RASGRF2: variants seen among roughly 807,000 people sequenced by gnomAD.
The protein encoded by RASGRF2 is Ras protein specific guanine nucleotide releasing factor 2.
In RASGRF2, 76 loss-of-function variants were observed where a neutral mutation model predicts 151.0. The ratio of observed to expected loss-of-function variants is 0.50; its 90% confidence interval spans 0.42 to 0.61. The LOEUF (loss-of-function observed/expected upper bound fraction) is 0.61. RASGRF2 is among the 20% of genes least tolerant of loss of function. The pLI, the probability that RASGRF2 is intolerant of heterozygous loss-of-function variation, is 0.00. For synonymous variants in RASGRF2, 504 were observed against 566.5 expected (o/e 0.89, Z 1.57); for missense variants, 1,148 against 1,564.6 (o/e 0.73, Z 4.49).
At chr5:81,055,209 T>G (rs920038561) in intron 2 of RASGRF2, among the ~76,000 whole-genome samples, 8 of 152,210 alleles carry the variant, frequency 5.3e-5, no homozygotes, top group African/African-American at 1.7e-4. Flanking sequence ...TGTGCCAGTT[T>G]TCAAAGGGAA....
chr5:80,984,620 A>G (rs1748420239), intron 1 of RASGRF2, among the ~76,000 whole-genome samples: 1 of 152,190 alleles, frequency 6.6e-6, no homozygotes, highest in Admixed American at 6.6e-5. Context: ...TGTAAAAATT[A>G]TGATCTTATC....
At chr5:81,150,822 C>G (rs1405027636) in intron 17 of RASGRF2, among the ~76,000 whole-genome samples, 1 of 151,934 alleles carries the variant, frequency 6.6e-6, no homozygotes, top group Non-Finnish European at 1.5e-5. Flanking sequence ...ATCAAGAGAC[C>G]CAGAATGAAT....
intron 3 of RASGRF2, among the ~76,000 whole-genome samples, chr5:81,069,392 T>C (rs1751707205): frequency 6.6e-6 from 1 of 152,224 alleles, no homozygotes. Flanking sequence ...AAAGACTATA[T>C]CAGGCACTGT....
Position 81,109,094 on chromosome 5 carries a change from C to A in RASGRF2, c.1838+16C>A. 6.3e-7 allele frequency: 1 copy of A among 1,599,100 alleles called. No homozygotes were observed. The highest frequency in any genetic ancestry group is 8.6e-7 in the Non-Finnish European group (1 of 1,169,558). On this transcript the variant is annotated intron_variant, in intron 13 of 26. Coordinates refer to ENST00000265080, the MANE Select transcript of RASGRF2 (RefSeq NM_006909.3). ...ATATGATTAAGTAAGTGTGAGAATC[C>A]TTTCCTTTACATTTTAATCAAGATT...
At chr5:80,963,999 GTT>G (rs149116989) in intron 1 of RASGRF2, among the ~76,000 whole-genome samples, 70,478 of 141,548 alleles carry the variant, frequency 0.5, 17,658 homozygotes, top group African/African-American at 0.65. Flanking sequence ...AAAAAAATCC[GTT>G]TTTTTTTTTT....
intron 24 of RASGRF2, among the ~76,000 whole-genome samples, chr5:81,216,750 C>G (rs532875901): frequency 6.6e-6 from 1 of 152,214 alleles, no homozygotes; most frequent in Non-Finnish European, 1.5e-5. Flanking sequence ...TTGAACCCAG[C>G]TCCTCCCGCA....
chr5:81,120,922 G>A (rs543749064), intron 15 of RASGRF2, among the ~76,000 whole-genome samples: 3 of 152,318 alleles, frequency 2.0e-5, no homozygotes, highest in East Asian at 1.9e-4. Flanking sequence ...ATTAAGGCTC[G>A]GGTTGAGGTA....
At chr5:81,024,981 G>T (rs2112345788) in intron 1 of RASGRF2, among the ~76,000 whole-genome samples, 1 of 152,306 alleles carries the variant, frequency 6.6e-6, no homozygotes, top group African/African-American at 2.4e-5. Flanking sequence ...TCTCCAAGTT[G>T]GGACCCATCC....
chr5:81,104,539 T>C, intron 12 of RASGRF2, among the ~76,000 whole-genome samples: 1 of 152,168 alleles, frequency 6.6e-6, no homozygotes, highest in East Asian at 1.9e-4. Context: ...CCAATTCTCT[T>C]TTATATAATT....
chr5:81,194,785 G>A (rs1267497637), intron 18 of RASGRF2, among the ~76,000 whole-genome samples: 1 of 152,168 alleles, frequency 6.6e-6, no homozygotes, highest in Non-Finnish European at 1.5e-5. Flanking sequence ...GCCTCTCTTG[G>A]TTTCTTTTGT....
intron 2 of RASGRF2, among the ~76,000 whole-genome samples, chr5:81,054,656 T>C (rs1000928642): frequency 8.9e-6 from 1 of 111,948 alleles, no homozygotes; most frequent in African/African-American, 3.6e-5. Context: ...TTTCCAATTC[T>C]GTGAAGAAAG....
intron 17 of RASGRF2, among the ~76,000 whole-genome samples, chr5:81,128,566 G>A (rs904102825): frequency 1.3e-5 from 2 of 152,062 alleles, no homozygotes; most frequent in African/African-American, 4.8e-5. Flanking sequence ...CTGAGAACAC[G>A]TTTCCATTTT....
chr5:81,172,440 T>C (rs1580378700), intron 17 of RASGRF2, among the ~76,000 whole-genome samples: 3 of 27,408 alleles, frequency 1.1e-4, no homozygotes, highest in Non-Finnish European at 2.2e-4. Context: ...TGTGCGTGTG[T>C]GTGTGTGTGT....
chr5:81,093,660 C>G (rs958093902), intron 10 of RASGRF2, among the ~76,000 whole-genome samples: 1 of 152,208 alleles, frequency 6.6e-6, no homozygotes, highest in Non-Finnish European at 1.5e-5. Context: ...AGTGATCCTC[C>G]TGCCTTGGCC....
At chr5:81,168,682 T>C (rs1754573009) in intron 17 of RASGRF2, among the ~76,000 whole-genome samples, 1 of 152,180 alleles carries the variant, frequency 6.6e-6, no homozygotes, top group African/African-American at 2.4e-5. Context: ...GCACAATGTG[T>C]TGAAAATATT....
At chr5:80,977,151 T>C (rs1487526298) in intron 1 of RASGRF2, among the ~76,000 whole-genome samples, 1 of 152,154 alleles carries the variant, frequency 6.6e-6, no homozygotes, top group East Asian at 1.9e-4. Flanking sequence ...TTCAGCATGG[T>C]GGTTTGAGCA....
At chr5:81,026,454 A>G (rs966220274) in intron 1 of RASGRF2, among the ~76,000 whole-genome samples, 5 of 151,942 alleles carry the variant, frequency 3.3e-5, no homozygotes, top group African/African-American at 1.2e-4. Flanking sequence ...TGGGATTTAC[A>G]TATGTACCCA....
intron 1 of RASGRF2, among the ~76,000 whole-genome samples, chr5:80,972,731 C>T (rs1206744332): frequency 2.0e-5 from 3 of 152,002 alleles, no homozygotes; most frequent in African/African-American, 4.8e-5. Flanking sequence ...CCGCCCACCT[C>T]GGCCTCCCAA....
intron 15 of RASGRF2, among the ~76,000 whole-genome samples, chr5:81,116,986 G>A (rs970114543): frequency 1.3e-5 from 2 of 152,130 alleles, no homozygotes; most frequent in South Asian, 2.1e-4. Flanking sequence ...TTTGAATAAC[G>A]GTGCAATGAA....
Sources: allele counts gnomAD v4.1 joint callset (sites outside exome capture counted in the v4.1 genomes callset), GRCh38; gene constraint gnomAD v4.1.1; transcripts MANE v1.5; gene names NCBI Gene and HGNC (gene_info 2026-07-23, HGNC 2026-07-21).